The following ACTG2 variants were observed in gnomAD, a reference collection of about 807,000 sequenced individuals.
ACTG2 encodes the protein actin, gamma-enteric smooth muscle.
ACTG2 carries 16 observed loss-of-function variants against 37.6 expected under a neutral mutation model. The ratio of observed to expected loss-of-function variants is 0.43; its 90% CI spans 0.29 to 0.65. ACTG2 has a LOEUF of 0.65. Ranked by LOEUF, ACTG2 falls within the 30% of genes least tolerant of loss-of-function variation. The pLI is 0.18. For missense variants in ACTG2, 238 were observed against 490.9 expected (o/e 0.48, Z 4.87); for synonymous variants, 181 against 179.9 (o/e 1.01, Z -0.05).
intron 1 of ACTG2, among the ~76,000 whole-genome samples, chr2:73,896,347 C>CAAAAAAA (rs59825980): frequency 8.0e-6 from 1 of 125,262 alleles, no homozygotes; most frequent in African/African-American, 3.1e-5. Context: ...CCCAGTATCT[C>CAAAAAAA]AAAAAAAAAA....
rs373155309 is a variant in ACTG2 at position 73,914,633 on chromosome 2, A to G, written c.614-47A>G. ...ATGGAGATCAAAATGGGACAACCAA[A>G]CTATCAGAGCTCAGTATTCACCTTC... On this transcript the variant is annotated intron_variant, in intron 6 of 8. Coordinates refer to ENST00000345517, the MANE Select transcript of ACTG2 (RefSeq NM_001615.4). 228 of 1,423,846 alleles carry G rather than the reference A, an allele frequency of 1.6e-4. No homozygotes were observed. In the African/African-American group the frequency reaches 1.8e-3, roughly 11 times the overall value. 88.2% of individuals were successfully genotyped at this position (1,423,846 alleles called of 1,614,324 possible). A position where few individuals can be genotyped will look rare whatever the true frequency, so the allele number is the denominator to read the frequency against.
At chr2:73,918,152 G>T (rs1301251685) in intron 8 of ACTG2, among the ~76,000 whole-genome samples, 3 of 152,220 alleles carry the variant, frequency 2.0e-5, no homozygotes, top group Admixed American at 1.3e-4. Flanking sequence ...AGGAGCAAAT[G>T]TGTCCAGGCA....
At chr2:73,905,069 A>G (rs1329712738) in intron 3 of ACTG2, among the ~76,000 whole-genome samples, 1 of 152,008 alleles carries the variant, frequency 6.6e-6, no homozygotes, top group African/African-American at 2.4e-5. Context: ...AAGAGGAAAT[A>G]TATAATAAAT....
chr2:73,903,481 G>A (rs1679934579), intron 3 of ACTG2, among the ~76,000 whole-genome samples: 1 of 152,148 alleles, frequency 6.6e-6, no homozygotes, highest in African/African-American at 2.4e-5. Context: ...CACCCTATAA[G>A]TCTTAGTTTT....
At chr2:73,893,734 C>T (rs868850064) in intron 1 of ACTG2, among the ~76,000 whole-genome samples, 20 of 152,290 alleles carry the variant, frequency 1.3e-4, no homozygotes, top group Middle Eastern at 3.4e-3. Flanking sequence ...GGCCTAGAGA[C>T]GTACAGCCAC....
intron 4 of ACTG2, 48 bp from the exon 5 acceptor site, chr2:73,909,007 T>G (rs975838048): frequency 1.9e-6 from 3 of 1,547,614 alleles, no homozygotes; most frequent in Non-Finnish European, 2.7e-6. Context: ...GGCCAAGAAG[T>G]GCTGTGATTT....
intron 5 of ACTG2, among the ~76,000 whole-genome samples, chr2:73,911,493 TAA>T (rs575149681): frequency 3.3e-5 from 5 of 151,602 alleles, no homozygotes; most frequent in African/African-American, 1.2e-4. Context: ...AAAAAAAAAA[TAA>T]AAAAATAAAA....
In ACTG2 at chr2:73,919,756, GTGC is replaced by G; in HGVS notation, c.*183_*185del. ...TCCATGCAATAGTGCTGTAAGGTAG[GTGC>G]TATCATTATACCCATATTACAGATG... On this transcript the variant is annotated 3_prime_UTR_variant, in exon 9 of 9. Transcript: ENST00000345517. The G allele has an allele frequency of 1.7e-6, 1 of 592,546 alleles. No homozygotes were observed. Among genetic ancestry groups the G allele is most frequent in the Non-Finnish European group, 2.7e-6 (1 of 366,592 alleles). 36.7% of individuals were successfully genotyped at this position (592,546 alleles called of 1,614,324 possible). A position where few individuals can be genotyped will look rare whatever the true frequency, so the allele number is the denominator to read the frequency against.
intron 3 of ACTG2, among the ~76,000 whole-genome samples, chr2:73,903,939 C>CAAAAAAAAAAAAAA (rs61362643): frequency 6.7e-5 from 6 of 90,012 alleles, no homozygotes; most frequent in Non-Finnish European, 1.2e-4. Context: ...GACTCCGTCT[C>CAAAAAAAAAAAAAA]AAAAAAAAAA....
intron 5 of ACTG2, among the ~76,000 whole-genome samples, chr2:73,913,170 CAAAAAAA>C (rs58764001): frequency 2.9e-5 from 3 of 102,506 alleles, no homozygotes; most frequent in Admixed American, 1.2e-4. Context: ...ACTCTGTCTC[CAAAAAAA>C]AAAAAAAAAG....
chr2:73,913,689 A>G lies in ACTG2; in HGVS notation c.613+43A>G, dbSNP rs369054746. 1.8e-5 allele frequency: 28 copies of G among 1,544,342 alleles called. No homozygotes were observed. In the Middle Eastern group the frequency reaches 8.6e-4, roughly 47 times the overall value. On this transcript the variant is annotated intron_variant, in intron 6 of 8. Coordinates refer to ENST00000345517, the MANE Select transcript of ACTG2 (RefSeq NM_001615.4). ...TGATTCTGACTGGAGCTCAGAACCA[A>G]TCTGGTTTAGGACAAGAAGTTCTCA...
chr2:73,910,220 AT>A (rs1680099825), intron 5 of ACTG2, among the ~76,000 whole-genome samples: 1 of 90,552 alleles, frequency 1.1e-5, no homozygotes, highest in Non-Finnish European at 2.7e-5. Flanking sequence ...GTCTCAAAAA[AT>A]ATGTATATAT....
intron 1 of ACTG2, among the ~76,000 whole-genome samples, chr2:73,895,839 A>T (rs1447206486): frequency 6.6e-6 from 1 of 152,118 alleles, no homozygotes; most frequent in African/African-American, 2.4e-5. Flanking sequence ...CCGGATAGTA[A>T]ATATTTTAGG....
chr2:73,899,195 T>C (rs1679823717), intron 1 of ACTG2, among the ~76,000 whole-genome samples: 1 of 152,100 alleles, frequency 6.6e-6, no homozygotes, highest in African/African-American at 2.4e-5. Flanking sequence ...CTGTGTGTGG[T>C]GGGTCACTTG....
In ACTG2 at chr2:73,908,705, T is replaced by C. The variant is rs1680066210; in HGVS notation, c.288T>C (p.Arg96=). The C allele has an allele frequency of 1.2e-6, 2 of 1,613,082 alleles. No individual in the cohort carries two copies. The change falls in exon 4 of 9, where the codon CGT becomes CGC. Residue 96 remains arginine, a synonymous_variant. Transcript: ENST00000345517. ...IWHHSFYNEL[R]VAPEEHPTLL... Reference sequence around the variant, plus strand: ...ACCACTCCTTCTACAATGAGCTGCGTGTAGCACCTGAAGAGCACCCCACCC... The same window carrying C: ...ACCACTCCTTCTACAATGAGCTGCGCGTAGCACCTGAAGAGCACCCCACCC...
intron 3 of ACTG2, chr2:73,902,899 A>G (rs370647676): frequency 7.7e-6 from 7 of 913,286 alleles, no homozygotes; most frequent in Non-Finnish European, 1.1e-5. Flanking sequence ...TTTTCCTGCA[A>G]TATTTACTCA....
rs183747196 is a variant in ACTG2 at position 73,898,811 on chromosome 2, T to C, written c.-36-2465T>C. On this transcript the variant is annotated intron_variant, in intron 1 of 8. Transcript: ENST00000345517. ...CTTTTCTTTTTTTTTTCTTTTTTTT[T>C]TTTTTTTTTGAGATGGAGTCTTGCT... 2.5e-3 allele frequency among the ~76,000 whole-genome samples: 334 copies of C among 134,550 alleles called. 2 individuals carry two copies. The highest frequency in any genetic ancestry group is 7.4e-3 in the African/African-American group (272 of 36,602). 88.3% of individuals were successfully genotyped at this position (134,550 alleles called of 152,430 possible).
chr2:73,899,099 C>T (rs1046936800), intron 1 of ACTG2, among the ~76,000 whole-genome samples: 8 of 152,080 alleles, frequency 5.3e-5, no homozygotes, highest in East Asian at 1.9e-4. Flanking sequence ...CGTGAGCCAC[C>T]GCGCCCGGCC....
intron 1 of ACTG2, among the ~76,000 whole-genome samples, chr2:73,893,803 A>G (rs1305838295): frequency 6.6e-6 from 1 of 151,990 alleles, no homozygotes; most frequent in Non-Finnish European, 1.5e-5. Context: ...ACTCCCCCCA[A>G]CCCACCCAAC....
Sources: allele counts gnomAD v4.1 joint callset (sites outside exome capture counted in the v4.1 genomes callset), GRCh38; gene constraint gnomAD v4.1.1; transcripts MANE v1.5; gene names NCBI Gene and HGNC (gene_info 2026-07-23, HGNC 2026-07-21).